Variants in STK32B observed in about 807,000 individuals in gnomAD.
STK32B encodes serine/threonine-protein kinase 32B.
A neutral mutation model predicts 52.6 loss-of-function variants in STK32B; 43 were observed. That is an observed-to-expected ratio of 0.82 (90% CI 0.64 to 1.05). The LOEUF is 1.05. Ranked by LOEUF, STK32B falls within the 50% of genes least tolerant of loss-of-function variation. STK32B has a pLI of 0.00. For synonymous variants in STK32B, 238 were observed against 204.3 expected (o/e 1.17, Z -1.41); for missense variants, 621 against 534.6 (o/e 1.16, Z -1.59).
At chr4:5,347,907 C>T (rs576624952) in intron 4 of STK32B, among the ~76,000 whole-genome samples, 6 of 152,220 alleles carry the variant, frequency 3.9e-5, no homozygotes, top group Admixed American at 2.0e-4. Flanking sequence ...AATTAAGCCT[C>T]TTTTCTTAAA....
chr4:5,355,419 T>C (rs1338004717), intron 4 of STK32B, among the ~76,000 whole-genome samples: 1 of 152,200 alleles, frequency 6.6e-6, no homozygotes, highest in Non-Finnish European at 1.5e-5. Flanking sequence ...TCATATGTTT[T>C]CTACCTCTCT....
chr4:5,153,786 C>G (rs10024921), intron 2 of STK32B, among the ~76,000 whole-genome samples: 10 of 151,946 alleles, frequency 6.6e-5, no homozygotes, highest in Non-Finnish European at 2.9e-5. Flanking sequence ...TGGAAAACAT[C>G]AAAGAAACTA....
chr4:5,374,469 C>G (rs937968474), intron 4 of STK32B, among the ~76,000 whole-genome samples: 9 of 152,184 alleles, frequency 5.9e-5, no homozygotes, highest in Non-Finnish European at 5.9e-5. Flanking sequence ...TTAGCCCATT[C>G]AGGCTGCTGT....
chr4:5,492,918 G>A (rs1719871619), intron 11 of STK32B, among the ~76,000 whole-genome samples: 2 of 151,034 alleles, frequency 1.3e-5, no homozygotes, highest in Non-Finnish European at 2.9e-5. Flanking sequence ...GCATCCCAGG[G>A]ATGAAGCCCA....
intron 3 of STK32B, among the ~76,000 whole-genome samples, chr4:5,300,039 A>G (rs1388836901): frequency 6.6e-6 from 1 of 152,190 alleles, no homozygotes; most frequent in Non-Finnish European, 1.5e-5. Context: ...CAATATCCTC[A>G]ATGAAGTACT....
intron 4 of STK32B, among the ~76,000 whole-genome samples, chr4:5,351,872 G>C (rs6446354): frequency 0.35 from 53,081 of 151,752 alleles, 11,766 homozygotes; most frequent in African/African-American, 0.63. Context: ...AATTTCTGAA[G>C]ACATACAACC....
the STK32B span, among the ~76,000 whole-genome samples, chr4:5,025,290 C>T: frequency 6.6e-6 from 1 of 152,046 alleles, no homozygotes; most frequent in Admixed American, 6.5e-5. Context: ...CCACTTGATC[C>T]CCCATAGTGA....
At chr4:5,340,741 T>A (rs1733018840) in intron 4 of STK32B, among the ~76,000 whole-genome samples, 1 of 152,254 alleles carries the variant, frequency 6.6e-6, no homozygotes, top group South Asian at 2.1e-4. Context: ...TTGACACTAC[T>A]TTAAACTATA....
chr4:5,092,298 G>A (rs1469548883), intron 1 of STK32B, among the ~76,000 whole-genome samples: 1 of 152,184 alleles, frequency 6.6e-6, no homozygotes, highest in Admixed American at 6.5e-5. Context: ...TCGGGAGGCC[G>A]AGGCGGGCAG....
At chr4:5,316,359 T>TATACAATATAATATATTATATC (rs1730738926) in intron 3 of STK32B, among the ~76,000 whole-genome samples, 28 of 35,126 alleles carry the variant, frequency 8.0e-4, no homozygotes, top group African/African-American at 4.8e-3. Flanking sequence ...TCATATATTA[T>TATACAATATAATATATTATATC]ATATATTATA....
intron 1 of STK32B, among the ~76,000 whole-genome samples, chr4:5,068,132 A>T (rs999414149): frequency 6.6e-5 from 10 of 152,156 alleles, no homozygotes; most frequent in African/African-American, 2.4e-4. Flanking sequence ...TATACAATTC[A>T]TCCATTGAAA....
chr4:5,283,887 C>CA (rs1417823129), intron 3 of STK32B, among the ~76,000 whole-genome samples: 1 of 151,444 alleles, frequency 6.6e-6, no homozygotes, highest in Non-Finnish European at 1.5e-5. Context: ...TAACTAAAAA[C>CA]AAACCAAAAA....
At chr4:5,024,193 A>G in the STK32B span, among the ~76,000 whole-genome samples, 1 of 152,136 alleles carries the variant, frequency 6.6e-6, no homozygotes, top group African/African-American at 2.4e-5. Flanking sequence ...TGTTACTGTG[A>G]TGGTATTTGT....
chr4:5,120,261 T>C (rs575461090), intron 1 of STK32B, among the ~76,000 whole-genome samples: 2 of 152,306 alleles, frequency 1.3e-5, no homozygotes, highest in South Asian at 2.1e-4. Flanking sequence ...GATTGATTGA[T>C]ACAGCAGAAG....
chr4:5,079,418 T>C (rs779124356), intron 1 of STK32B, among the ~76,000 whole-genome samples: 5 of 152,224 alleles, frequency 3.3e-5, no homozygotes, highest in Non-Finnish European at 5.9e-5. Context: ...ATGCCAGTTC[T>C]TGGCTCACTG....
chr4:5,245,394 T>C lies in STK32B; in HGVS notation c.260+76944T>C, dbSNP rs1222677624. ...AAGTCTGTTTTATCAGAGACTAGGA[T>C]TGCAACCCCTGCCTTTTTTTGTTTT... On this transcript the variant is annotated intron_variant, in intron 3 of 11. Coordinates refer to ENST00000282908, the MANE Select transcript of STK32B (RefSeq NM_018401.3). 3.3e-5 allele frequency among the ~76,000 whole-genome samples: 5 copies of C among 152,206 alleles called. No individual in the cohort carries two copies. The East Asian group carries it at 9.6e-4, about 29-fold the overall frequency.
chr4:5,107,777 A>G (rs1714185981), intron 1 of STK32B, among the ~76,000 whole-genome samples: 2 of 152,186 alleles, frequency 1.3e-5, no homozygotes, highest in Non-Finnish European at 2.9e-5. Context: ...GTGTCTTTAC[A>G]GATTCCAGTG....
chr4:5,479,331 C>G (rs891848730), intron 11 of STK32B, among the ~76,000 whole-genome samples: 1 of 152,014 alleles, frequency 6.6e-6, no homozygotes, highest in African/African-American at 2.4e-5. Context: ...GTTGGTCAGG[C>G]TGGTCTCAAA....
intron 3 of STK32B, among the ~76,000 whole-genome samples, chr4:5,315,165 C>G (rs28456288): frequency 0.11 from 15,974 of 152,128 alleles, 973 homozygotes; most frequent in African/African-American, 0.17. Flanking sequence ...GAGCAAAAGA[C>G]ATGAACAGAC....
Sources: allele counts gnomAD v4.1 joint callset (sites outside exome capture counted in the v4.1 genomes callset), GRCh38; gene constraint gnomAD v4.1.1; transcripts MANE v1.5; gene names NCBI Gene and HGNC (gene_info 2026-07-23, HGNC 2026-07-21).